SLC3A1: variants seen among roughly 807,000 people sequenced by gnomAD.
SLC3A1 encodes solute carrier family 3 member 1, also known as amino acid transporter heavy chain SLC3A1.
A neutral mutation model predicts 60.3 loss-of-function variants in SLC3A1; 78 were observed. The ratio of observed to expected loss-of-function variants is 1.29; its 90% CI spans 1.08 to 1.56. The LOEUF is 1.56. SLC3A1 is among the 40% of genes most tolerant of loss of function. The pLI is 0.00. For missense variants in SLC3A1, 1,172 were observed against 858.9 expected (o/e 1.36, Z -4.56); for synonymous variants, 392 against 307.9 (o/e 1.27, Z -2.86).
chr2:44,319,010 C>T (rs1292902253), intron 9 of SLC3A1: 1 of 152,190 alleles, frequency 6.6e-6, no homozygotes, highest in Non-Finnish European at 1.5e-5. Flanking sequence ...ACTTACCGGG[C>T]ACTTCTTATG....
At chr2:44,309,507 C>A (rs563079678) in intron 7 of SLC3A1, among the ~76,000 whole-genome samples, 1 of 152,208 alleles carries the variant, frequency 6.6e-6, no homozygotes, top group African/African-American at 2.4e-5. Context: ...AATAATGTTA[C>A]AAACCAATGG....
rs1671960294 is a variant in SLC3A1, at chr2:44,299,955, G to C, written c.892-16G>C. The C allele has an allele frequency of 3.1e-6, 5 of 1,613,540 alleles. No homozygotes were observed. The highest frequency in any genetic ancestry group is 1.7e-5 in the Admixed American group (1 of 59,982). On this transcript the variant is annotated splice_polypyrimidine_tract_variant and intron_variant, in intron 4 of 9. Transcript: ENST00000260649. ...CGTAGTTAATGTAACCAAGCATTTT[G>C]CTTCTTCATCTTTAGGAAATTTTAC...
chr2:44,301,264 T>C (rs1013635280), intron 6 of SLC3A1, 137 bp downstream of exon 6: 2 of 1,145,746 alleles, frequency 1.7e-6, no homozygotes, highest in Non-Finnish European at 2.6e-6. Flanking sequence ...TACAGTTTGG[T>C]TGTACCAGGG....
chr2:44,318,585 AATATATAAAC>A (rs1361616704), intron 9 of SLC3A1: 2 of 152,860 alleles, frequency 1.3e-5, no homozygotes, highest in Non-Finnish European at 2.9e-5. Context: ...TGTAAAGAAA[AATATATAAAC>A]ATATGAAATG....
chr2:44,294,367 T>G (rs1163762811), intron 4 of SLC3A1, among the ~76,000 whole-genome samples: 2 of 151,810 alleles, frequency 1.3e-5, no homozygotes, highest in Non-Finnish European at 2.9e-5. Flanking sequence ...TAGCCAGATG[T>G]GGTGACGGGC....
intron 4 of SLC3A1, among the ~76,000 whole-genome samples, chr2:44,294,407 A>G (rs1291295700): frequency 6.6e-6 from 1 of 151,522 alleles, no homozygotes; most frequent in Non-Finnish European, 1.5e-5. Flanking sequence ...CAGGAGGCTG[A>G]GGCAGGAGAA....
In SLC3A1 at chr2:44,301,246, T is replaced by C; in HGVS notation, c.1136+119T>C. The C allele has an allele frequency of 3.1e-6, 4 of 1,303,670 alleles. No homozygotes were observed. In the South Asian group the frequency reaches 3.7e-5, roughly 12 times the overall value. 80.8% of individuals were successfully genotyped at this position (1,303,670 alleles called of 1,614,324 possible). On this transcript the variant is annotated intron_variant, in intron 6 of 9. Transcript: ENST00000260649. ...ATAATGTAACAAGCCTGCATAACTC[T>C]AATTGATTACAGTTTGGTTGTACCA...
intron 4 of SLC3A1, among the ~76,000 whole-genome samples, chr2:44,292,219 T>TG (rs1313114449): frequency 2.0e-5 from 3 of 152,070 alleles, no homozygotes; most frequent in Admixed American, 2.0e-4. Flanking sequence ...TAGGGACTGC[T>TG]GGGGAGACCC....
intron 1 of SLC3A1, among the ~76,000 whole-genome samples, chr2:44,278,364 C>T (rs957934285): frequency 3.3e-5 from 5 of 152,034 alleles, no homozygotes; most frequent in African/African-American, 4.8e-5. Flanking sequence ...AGGAGAATGG[C>T]GTGAACCCAG....
chr2:44,309,974 C>G (rs1207659649), intron 7 of SLC3A1, among the ~76,000 whole-genome samples: 3 of 152,084 alleles, frequency 2.0e-5, no homozygotes, highest in Admixed American at 6.6e-5. Context: ...TCACTGCAGC[C>G]TTGACCTCCT....
intron 4 of SLC3A1, among the ~76,000 whole-genome samples, chr2:44,289,854 C>T (rs1387376424): frequency 6.6e-6 from 1 of 152,094 alleles, no homozygotes. Flanking sequence ...TGGTCTCGAA[C>T]TCCTGACCTC....
At chr2:44,316,960 A>T (rs1427687081) in intron 9 of SLC3A1, among the ~76,000 whole-genome samples, 1 of 151,120 alleles carries the variant, frequency 6.6e-6, no homozygotes, top group Non-Finnish European at 1.5e-5. Flanking sequence ...TTGATACACA[A>T]TGTAAAACAA....
chr2:44,318,041 A>G (rs1024047571), intron 9 of SLC3A1: 1 of 420,152 alleles, frequency 2.4e-6, no homozygotes, highest in African/African-American at 2.1e-5. Flanking sequence ...TCCATTCCTA[A>G]TACTTAGAAA....
chr2:44,297,503 C>T (rs529629792), intron 4 of SLC3A1, among the ~76,000 whole-genome samples: 7 of 152,280 alleles, frequency 4.6e-5, no homozygotes, highest in Non-Finnish European at 8.8e-5. Context: ...CTGTGCCCAC[C>T]CACATATTTT....
rs761578780 is a variant in SLC3A1, at chr2:44,304,290, C to T, written c.1284C>T (p.Ile428=). The T allele has an allele frequency of 1.9e-6, 3 of 1,614,050 alleles. No homozygotes were observed. Among genetic ancestry groups the T allele is most frequent in the African/African-American group, 2.7e-5 (2 of 74,934 alleles). The change falls in exon 7 of 10, where the codon ATC becomes ATT. Residue 428 remains isoleucine (I), a synonymous_variant. Coordinates refer to ENST00000260649, the MANE Select transcript of SLC3A1 (RefSeq NM_000341.4). ...TVSGNSVYEV[I]TSWMENMPEG... The stretch of plus-strand genomic sequence containing the variant: ...CTGGGAACAGCGTGTATGAGGTTAT[C>T]ACATCCTGGATGGAAAACATGCCAG...
chr2:44,314,370 C>A, intron 9 of SLC3A1: 1 of 346,496 alleles, frequency 2.9e-6, no homozygotes, highest in Non-Finnish European at 5.3e-6. Context: ...CAAATCCACA[C>A]TACTGTTCTG....
rs1483161562 is a variant in SLC3A1 at position 44,275,512 on chromosome 2, T to G, written c.-24T>G. The G allele has an allele frequency of 7.5e-6, 12 of 1,608,564 alleles. No individual in the cohort carries two copies. On this transcript the variant is annotated 5_prime_UTR_variant, in exon 1 of 10. Transcript: ENST00000260649. ...CACCTCCCTTACTGCAGGAAGGCAC[T>G]CCGAAGACATAAGTCGGTGAGACAT...
intron 9 of SLC3A1, among the ~76,000 whole-genome samples, chr2:44,315,800 T>C (rs575243080): frequency 1.3e-5 from 2 of 149,780 alleles, no homozygotes; most frequent in South Asian, 2.1e-4. Context: ...GAAAAAAAAA[T>C]CTAGAACTGT....
At chr2:44,311,437 C>G (rs999586431) in intron 7 of SLC3A1, among the ~76,000 whole-genome samples, 5 of 152,010 alleles carry the variant, frequency 3.3e-5, no homozygotes, top group Non-Finnish European at 5.9e-5. Flanking sequence ...TTCCTGTTTT[C>G]TTTGACTGTT....
Sources: gnomAD v4.1 joint callset for allele counts (sites outside exome capture counted in the v4.1 genomes callset) on GRCh38, gnomAD v4.1.1 for gene constraint, MANE v1.5 for transcripts, NCBI Gene and HGNC (gene_info 2026-07-23, HGNC 2026-07-21) for gene names.